Variants in RRP1B observed in about 807,000 individuals in gnomAD.
RRP1B encodes the protein ribosomal RNA processing protein 1 homolog B.
Under a neutral mutation model 80.2 loss-of-function variants are expected in RRP1B, and 56 were observed. The ratio of observed to expected loss-of-function variants is 0.70; its 90% CI spans 0.56 to 0.87. The LOEUF (loss-of-function observed/expected upper bound fraction) is 0.87, where lower values mean the gene tolerates loss of function less well. Among genes scored for constraint, RRP1B ranks in the 40% least tolerant of loss-of-function variants. The pLI, the probability that RRP1B is intolerant of heterozygous loss-of-function variation, is 0.00. For missense variants in RRP1B, 807 were observed against 939.8 expected (o/e 0.86, Z 1.85); for synonymous variants, 351 against 357.6 (o/e 0.98, Z 0.21).
At chr21:43,668,517 G>A (rs980473599) in intron 1 of RRP1B, among the ~76,000 whole-genome samples, 33 of 151,760 alleles carry the variant, frequency 2.2e-4, no homozygotes, top group African/African-American at 6.8e-4. Context: ...ATAGGCGCCC[G>A]CCACCATACC....
At chr21:43,690,588 C>T (rs967860763) in intron 14 of RRP1B, 148 bp downstream of exon 14, 2 of 878,070 alleles carry the variant, frequency 2.3e-6, no homozygotes, top group African/African-American at 3.4e-5. Context: ...GCCAGGGTAG[C>T]ATAAGGTCTG....
In RRP1B at chr21:43,694,357, C is replaced by T. The variant is rs754949474; in HGVS notation, c.*974C>T. The T allele has an allele frequency of 2.0e-5, 3 of 152,216 alleles. No homozygotes were observed. The highest frequency in any genetic ancestry group is 4.4e-5 in the Non-Finnish European group (3 of 68,010). The allele number at this position is 152,216 out of a possible 1,614,324, so 9.4% of individuals were successfully genotyped here. A position where few individuals can be genotyped will look rare whatever the true frequency, so the allele number is the denominator to read the frequency against. On this transcript the variant is annotated 3_prime_UTR_variant, in exon 16 of 16. Coordinates refer to ENST00000340648, the MANE Select transcript of RRP1B (RefSeq NM_015056.3). The stretch of plus-strand genomic sequence containing the variant: ...GTGCACTTACAGTTCAGACCGTTCT[C>T]CTGTAAGTTCATTACAAACACGGGC...
Position 43,669,973 on chromosome 21 carries a change from T to TG in RRP1B, c.213+8dup, listed in dbSNP as rs759468106. Reference sequence around the variant, plus strand: ...GGATGAACCCCTTCTACAGGTAACATGCGTTCCCTTTGTCATGCTCCCGGG... The same window carrying TG: ...GGATGAACCCCTTCTACAGGTAACATGGCGTTCCCTTTGTCATGCTCCCGGG... On this transcript the variant is annotated splice_region_variant and intron_variant, in intron 2 of 15. Coordinates refer to ENST00000340648, the MANE Select transcript of RRP1B (RefSeq NM_015056.3). The TG allele has an allele frequency of 1.0e-5, 16 of 1,589,754 alleles. No individual in the cohort carries two copies. Among genetic ancestry groups the TG allele is most frequent in the South Asian group, 2.2e-5 (2 of 89,386 alleles).
chr21:43,680,349 G>A (rs1268917500), intron 8 of RRP1B, among the ~76,000 whole-genome samples: 2 of 152,060 alleles, frequency 1.3e-5, no homozygotes, highest in Admixed American at 1.3e-4. Context: ...TACGAGGTCA[G>A]GAGTTCGAGA....
At chr21:43,689,279 C>T (rs922821442) in intron 13 of RRP1B, among the ~76,000 whole-genome samples, 1 of 152,274 alleles carries the variant, frequency 6.6e-6, no homozygotes, top group South Asian at 2.1e-4. Context: ...AGAGTTTGCG[C>T]ACCTTGGTCA....
chr21:43,684,531 T>A (rs1312074609), intron 9 of RRP1B, 22 bp from the exon 10 acceptor site: 1 of 1,607,428 alleles, frequency 6.2e-7, no homozygotes, highest in Admixed American at 1.7e-5. Flanking sequence ...CAGACTTATG[T>A]TTAGTTTCTC....
rs551761658 is a variant in RRP1B at position 43,691,349 on chromosome 21, C to T, written c.2020-90C>T. On this transcript the variant is annotated intron_variant, in intron 14 of 15. Transcript: ENST00000340648. The surrounding 1 kb of genome is among the most constrained non-coding windows in gnomAD (Gnocchi z 4.2). ...GTAAGCAGCAGTGTGGGCGGCATAC[C>T]CTCCAGGGCAGGTTCTCCAGAAAAA... is the stretch of plus-strand genomic sequence containing the variant. 62 of 1,206,650 alleles carry T rather than the reference C, an allele frequency of 5.1e-5. No individual in the cohort carries two copies. In the African/African-American group the frequency reaches 8.5e-4, roughly 17 times the overall value. 74.7% of individuals were successfully genotyped at this position (1,206,650 alleles called of 1,614,324 possible). A position where few individuals can be genotyped will look rare whatever the true frequency, so the allele number is the denominator to read the frequency against.
At chr21:43,679,901 T>G (rs1434609319) in intron 8 of RRP1B, among the ~76,000 whole-genome samples, 1 of 152,196 alleles carries the variant, frequency 6.6e-6, no homozygotes, top group Non-Finnish European at 1.5e-5. Context: ...GTTTTGTTGT[T>G]TGTTTTGTTT....
At chr21:43,688,433 C>T (rs1724788602) in intron 13 of RRP1B, among the ~76,000 whole-genome samples, 193 bp downstream of exon 13, 1 of 152,236 alleles carries the variant, frequency 6.6e-6, no homozygotes, top group Non-Finnish European at 1.5e-5. Flanking sequence ...TTCGGTCCTC[C>T]TCATCGGCCA....
At chr21:43,671,373 T>C (rs1165498715) in intron 2 of RRP1B, among the ~76,000 whole-genome samples, 1 of 151,000 alleles carries the variant, frequency 6.6e-6, no homozygotes, top group African/African-American at 2.4e-5. Flanking sequence ...TTTTCTTTTT[T>C]TTTTTTTTTT....
At position 43,676,899 on chromosome 21, in the gene RRP1B, A is replaced by G. The variant is rs1044959051; in HGVS notation, c.781A>G (p.Ser261Gly). Residue 261 changes from serine (S) to glycine (G), a missense_variant, in exon 8 of 16, where the codon AGT becomes GGT. By Grantham distance (56) the Ser-to-Gly change is moderately conservative. Transcript: ENST00000340648. Reference protein sequence around the residue: ...ENEVSLRRAVSKKKTALGKNH... With the variant: ...ENEVSLRRAVGKKKTALGKNH... The stretch of plus-strand genomic sequence containing the variant: ...TGAGGTATCCTTGAGAAGAGCTGTC[A>G]GTAAAAAGAAGACAGGTAGGAGGAT... 3 of 1,614,072 alleles carry G rather than the reference A, an allele frequency of 1.9e-6. No homozygotes were observed. The highest frequency in any genetic ancestry group is 1.3e-5 in the African/African-American group (1 of 74,946).
chr21:43,660,320 C>T lies in RRP1B; in HGVS notation c.130+526C>T, dbSNP rs541215826. 1.6e-4 allele frequency among the ~76,000 whole-genome samples: 25 copies of T among 152,326 alleles called. No individual in the cohort carries two copies. The East Asian group carries it at 4.8e-3, about 29-fold the overall frequency. ...GTCTCACGCATGTAATCCCAGCACT[C>T]TGGGAAGCCGAGGCGGGCGGATCAC... On this transcript the variant is annotated intron_variant, in intron 1 of 15. Coordinates refer to ENST00000340648, the MANE Select transcript of RRP1B (RefSeq NM_015056.3).
intron 6 of RRP1B, 39 bp downstream of exon 6, chr21:43,675,202 G>A: frequency 1.2e-6 from 2 of 1,604,644 alleles, no homozygotes; most frequent in Non-Finnish European, 1.7e-6. Flanking sequence ...GGGTGAGGGG[G>A]CCGCCAGTGT....
At position 43,676,934 on chromosome 21, in the gene RRP1B, C is replaced by T. The variant is rs774182119; in HGVS notation, c.796+20C>T. The T allele has an allele frequency of 2.4e-5, 38 of 1,610,652 alleles. No homozygotes were observed. The highest frequency in any genetic ancestry group is 3.2e-5 in the Non-Finnish European group (38 of 1,177,854). ...AGACAGGTAGGAGGATGTTCTTGGT[C>T]AGTGTAGCTTTCTTTCTGCTAAAAT... On this transcript the variant is annotated intron_variant, in intron 8 of 15. Transcript: ENST00000340648.
At position 43,693,430 on chromosome 21, in the gene RRP1B, C is replaced by G; in HGVS notation, c.*47C>G. The G allele has an allele frequency of 6.9e-7, 1 of 1,450,126 alleles. No individual in the cohort carries two copies. Among genetic ancestry groups the G allele is most frequent in the Non-Finnish European group, 9.2e-7 (1 of 1,088,638 alleles). 89.8% of individuals were successfully genotyped at this position (1,450,126 alleles called of 1,614,324 possible). Reference sequence around the variant, plus strand: ...AAAGACTGCTTTTGTACAGAATGCGCTATAAATTATACCTTTAAGAATGTG... The same window carrying G: ...AAAGACTGCTTTTGTACAGAATGCGGTATAAATTATACCTTTAAGAATGTG... On this transcript the variant is annotated 3_prime_UTR_variant, in exon 16 of 16. Transcript: ENST00000340648. This position sits in a 1 kb window ranked among gnomAD's most constrained non-coding sequence, Gnocchi z 4.1.
intron 15 of RRP1B, among the ~76,000 whole-genome samples, chr21:43,692,895 C>T (rs1230931274): frequency 6.6e-6 from 1 of 152,174 alleles, no homozygotes; most frequent in African/African-American, 2.4e-5. Flanking sequence ...TTGTCCAAAA[C>T]ACCCCCACCC....
Position 43,677,737 on chromosome 21 carries a change from T to G in RRP1B, c.796+823T>G, listed in dbSNP as rs149287784. On this transcript the variant is annotated intron_variant, in intron 8 of 15. Transcript: ENST00000340648. ...TTTTAAACGTTTATTTGTGCTTTTA[T>G]TTTAAGTGAGAACATAAAATGTTTG... 3.8e-3 allele frequency among the ~76,000 whole-genome samples: 578 copies of G among 152,366 alleles called. 2 individuals are homozygous for G. The highest frequency in any genetic ancestry group is 0.013 in the African/African-American group (543 of 41,584).
intron 9 of RRP1B, 48 bp from the exon 10 acceptor site, chr21:43,684,505 C>T (rs747736490): frequency 1.3e-6 from 2 of 1,504,474 alleles, no homozygotes; most frequent in East Asian, 2.3e-5. Context: ...CCAAGTCAGG[C>T]AGTGTTGTTT....
chr21:43,686,056 G>T, intron 11 of RRP1B: 1 of 315,852 alleles, frequency 3.2e-6, no homozygotes, highest in South Asian at 5.4e-5. Context: ...AGGAGGTCCA[G>T]GATGCAGTAA....
Sources: allele counts gnomAD v4.1 joint callset (sites outside exome capture counted in the v4.1 genomes callset), GRCh38; gene constraint gnomAD v4.1.1; non-coding constraint Gnocchi (gnomAD v3.1); transcripts MANE v1.5; gene names NCBI Gene and HGNC (gene_info 2026-07-23, HGNC 2026-07-21).